Variants in MEGF10 observed in about 807,000 individuals in gnomAD.
MEGF10 encodes the protein multiple EGF like domains 10.
In MEGF10, 86 loss-of-function variants were observed where a neutral mutation model predicts 147.5. The observed-to-expected ratio is 0.58, with a 90% CI of 0.49 to 0.70. The LOEUF (loss-of-function observed/expected upper bound fraction) is 0.70, where lower values mean the gene tolerates loss of function less well. Ranked by LOEUF, MEGF10 falls within the 30% of genes least tolerant of loss-of-function variation. The probability of loss-of-function intolerance (pLI) is 0.00; values close to 1 mark genes in which losing one functional copy is unlikely to be tolerated. For missense variants in MEGF10, 1,329 were observed against 1,487.3 expected, an observed-to-expected ratio of 0.89 and a Z score of 1.75; for synonymous variants, 478 against 525.5, an observed-to-expected ratio of 0.91 and a Z score of 1.24.
At chr5:127,431,955 GA>G (rs901772595) in intron 13 of MEGF10, among the ~76,000 whole-genome samples, 11 of 149,588 alleles carry the variant, frequency 7.4e-5, no homozygotes, top group African/African-American at 2.2e-4. Flanking sequence ...AAAGAGATTT[GA>G]AAAAAAAATA....
intron 4 of MEGF10, among the ~76,000 whole-genome samples, chr5:127,349,204 C>T (rs1561586405): frequency 6.6e-6 from 1 of 152,136 alleles, no homozygotes; most frequent in Non-Finnish European, 1.5e-5. Flanking sequence ...TTCTCTCTCA[C>T]ATTTCTGTGC....
At chr5:127,363,772 TG>T (rs1237172121) in intron 4 of MEGF10, among the ~76,000 whole-genome samples, 1 of 152,188 alleles carries the variant, frequency 6.6e-6, no homozygotes, top group African/African-American at 2.4e-5. Flanking sequence ...ACAAAGTTTT[TG>T]TATTATTATT....
chr5:127,305,548 G>A (rs148483037), intron 1 of MEGF10, among the ~76,000 whole-genome samples: 1 of 152,080 alleles, frequency 6.6e-6, no homozygotes, highest in South Asian at 2.1e-4. Flanking sequence ...AGCTAAGCCA[G>A]ATGGTCCACT....
rs1165590360 is a variant in MEGF10 at position 127,460,534 on chromosome 5, G to A, written c.*3216G>A. 4 of 152,138 alleles carry A rather than the reference G, an allele frequency of 2.6e-5. No homozygotes were observed. 9.4% of individuals were successfully genotyped at this position (152,138 alleles called of 1,614,324 possible). ...ACTGAACCAAATCCATCAGCATAAT[G>A]ACTGTGTGTTCTGAGAAATGCAAAC... On this transcript the variant is annotated 3_prime_UTR_variant, in exon 25 of 25. Transcript: ENST00000503335.
chr5:127,447,734 G>C (rs749420717), intron 21 of MEGF10, 50 bp downstream of exon 21: 3 of 1,610,672 alleles, frequency 1.9e-6, no homozygotes, highest in Middle Eastern at 1.7e-4. Flanking sequence ...GAGAGAGGAA[G>C]GGAACCAGCA....
intron 13 of MEGF10, among the ~76,000 whole-genome samples, chr5:127,428,605 T>A (rs746200531): frequency 3.9e-5 from 6 of 152,252 alleles, no homozygotes; most frequent in Non-Finnish European, 8.8e-5. Flanking sequence ...CTCCATCTTA[T>A]AATTACCAAG....
chr5:127,232,528 A>G, the MEGF10 span, among the ~76,000 whole-genome samples: 1 of 152,194 alleles, frequency 6.6e-6, no homozygotes, highest in African/African-American at 2.4e-5. Context: ...TATGCTAGGT[A>G]CTTGGGAAAC....
intron 20 of MEGF10, 125 bp from the exon 21 acceptor site, chr5:127,447,432 C>T (rs1254118459): frequency 1.5e-6 from 2 of 1,295,294 alleles, no homozygotes; most frequent in East Asian, 2.4e-5. Flanking sequence ...CCGCCTTGGC[C>T]TCCCAAAGTG....
intron 1 of MEGF10, among the ~76,000 whole-genome samples, chr5:127,311,620 C>A (rs1355966697): frequency 6.6e-6 from 1 of 152,182 alleles, no homozygotes; most frequent in Non-Finnish European, 1.5e-5. Context: ...TGCACAGTAA[C>A]TTGACTCAGG....
the MEGF10 span, among the ~76,000 whole-genome samples, chr5:127,277,426 T>C: frequency 6.6e-6 from 1 of 152,246 alleles, no homozygotes; most frequent in Non-Finnish European, 1.5e-5. Context: ...TTTCCTCACT[T>C]CCTTACAAGT....
chr5:127,322,361 C>T lies in MEGF10; in HGVS notation c.-18-8930C>T, dbSNP rs930002493. 3.6e-4 allele frequency among the ~76,000 whole-genome samples: 55 copies of T among 152,174 alleles called. 1 individual carries two copies. The highest frequency in any genetic ancestry group is 1.3e-3 in the African/African-American group (54 of 41,442). ...TCTTTGCCTTTCCTCTGAGCACTCA[C>T]TTTCTCCTGCCTTCGCTCTTACTGA... On this transcript the variant is annotated intron_variant, in intron 1 of 24. Transcript: ENST00000503335.
At chr5:127,422,598 G>A in intron 12 of MEGF10, 72 bp from the exon 13 acceptor site, 1 of 1,139,744 alleles carries the variant, frequency 8.8e-7, no homozygotes, top group Non-Finnish European at 1.3e-6. Flanking sequence ...ATGGCTGACA[G>A]TGGCCTTTTC....
intron 5 of MEGF10, among the ~76,000 whole-genome samples, chr5:127,392,722 G>C (rs976831329): frequency 6.6e-6 from 1 of 152,142 alleles, no homozygotes; most frequent in African/African-American, 2.4e-5. Flanking sequence ...AGTTATAACC[G>C]TAAGGGTTCC....
At chr5:127,272,992 GAGAGAGGGCA>G in the MEGF10 span, among the ~76,000 whole-genome samples, 1 of 152,198 alleles carries the variant, frequency 6.6e-6, no homozygotes, top group Non-Finnish European at 1.5e-5. Context: ...TAGGGGTGGT[GAGAGAGGGCA>G]ATCTCTAGAT....
At chr5:127,410,631 G>T (rs1224369407) in intron 9 of MEGF10, 30 bp downstream of exon 9, 1 of 1,551,026 alleles carries the variant, frequency 6.4e-7, no homozygotes, top group Non-Finnish European at 8.7e-7. Context: ...GGAAGGACGT[G>T]TCCTGTGAAA....
intron 4 of MEGF10, among the ~76,000 whole-genome samples, chr5:127,356,615 A>G (rs999662518): frequency 3.9e-5 from 6 of 152,228 alleles, no homozygotes; most frequent in African/African-American, 1.4e-4. Context: ...AAGTTAATTT[A>G]TTGTACTTAG....
Position 127,455,391 on chromosome 5 carries a change from C to A in MEGF10, c.3026-10C>A. Reference sequence around the variant, plus strand: ...CAGCATTAGCTTTCTCTTCTCATTTCTCTTCACAGACCTGGGAAAGAATTC... The same window carrying A: ...CAGCATTAGCTTTCTCTTCTCATTTATCTTCACAGACCTGGGAAAGAATTC... On this transcript the variant is annotated splice_polypyrimidine_tract_variant and intron_variant, in intron 23 of 24. Coordinates refer to ENST00000503335, the MANE Select transcript of MEGF10 (RefSeq NM_001256545.2). The A allele has an allele frequency of 6.2e-7, 1 of 1,611,076 alleles. No homozygotes were observed. Among genetic ancestry groups the A allele is most frequent in the South Asian group, 1.1e-5 (1 of 90,604 alleles).
At chr5:127,412,004 G>A (rs1764585350) in intron 9 of MEGF10, among the ~76,000 whole-genome samples, 1 of 152,224 alleles carries the variant, frequency 6.6e-6, no homozygotes, top group African/African-American at 2.4e-5. Context: ...CAGAGAGCAT[G>A]TTGGTTTTGT....
At chr5:127,273,590 T>C in the MEGF10 span, among the ~76,000 whole-genome samples, 1 of 152,234 alleles carries the variant, frequency 6.6e-6, no homozygotes, top group African/African-American at 2.4e-5. Flanking sequence ...TGAGATATTT[T>C]CATGTGGATA....
Sources: gnomAD v4.1 joint callset for allele counts (sites outside exome capture counted in the v4.1 genomes callset) on GRCh38, gnomAD v4.1.1 for gene constraint, MANE v1.5 for transcripts, NCBI Gene and HGNC (gene_info 2026-07-23, HGNC 2026-07-21) for gene names.